The following ECD variants were observed in gnomAD, a reference collection of about 807,000 sequenced individuals.
ECD encodes protein ecdysoneless homolog.
ECD carries 59 observed loss-of-function variants against 77.2 expected under a neutral mutation model. The observed-to-expected ratio is 0.76, with a 90% CI of 0.62 to 0.95. The LOEUF is 0.95. ECD is among the 40% of genes least tolerant of loss of function. ECD has a pLI of 0.00. For missense variants in ECD, 704 were observed against 763.4 expected, an observed-to-expected ratio of 0.92 and a Z score of 0.92; for synonymous variants, 233 against 267.4, an observed-to-expected ratio of 0.87 and a Z score of 1.26.
chr10:73,145,469 A>G (rs1403021775), intron 9 of ECD, among the ~76,000 whole-genome samples: 1 of 152,122 alleles, frequency 6.6e-6, no homozygotes, highest in Non-Finnish European at 1.5e-5. Flanking sequence ...ATTCAACAAC[A>G]GGTCTGGAGG....
At chr10:73,138,401 A>T (rs1280262148) in intron 11 of ECD, among the ~76,000 whole-genome samples, 1 of 152,238 alleles carries the variant, frequency 6.6e-6, no homozygotes, top group Admixed American at 6.5e-5. Context: ...ATTTAAATAA[A>T]GCCTGTTCTT....
At chr10:73,147,294 TCC>T (rs1843143076) in intron 8 of ECD, among the ~76,000 whole-genome samples, 1 of 152,108 alleles carries the variant, frequency 6.6e-6, no homozygotes, top group Non-Finnish European at 1.5e-5. Context: ...ACGCCTGTAA[TCC>T]CAGCACTTTG....
At chr10:73,152,539 AAAG>A (rs1843227259) in intron 6 of ECD, 118 bp from the exon 7 acceptor site, 1 of 1,206,784 alleles carries the variant, frequency 8.3e-7, no homozygotes, top group Non-Finnish European at 1.1e-6. Flanking sequence ...TATGAAATGC[AAAG>A]AAGATTCAAC....
At chr10:73,150,523 T>C (rs1043921836) in intron 7 of ECD, among the ~76,000 whole-genome samples, 2 of 152,004 alleles carry the variant, frequency 1.3e-5, no homozygotes, top group African/African-American at 4.8e-5. Context: ...AATTGACAAA[T>C]GGGATCTAAT....
intron 7 of ECD, among the ~76,000 whole-genome samples, chr10:73,150,697 A>C (rs951743031): frequency 9.8e-5 from 15 of 152,342 alleles, no homozygotes; most frequent in African/African-American, 2.9e-4. Context: ...AAACAACCCC[A>C]TCAACAAGTG....
rs1842948181 is a variant in ECD, at chr10:73,133,778, A to C, written c.*805T>G. 6.6e-6 allele frequency: 1 copy of C among 152,232 alleles called. No homozygotes were observed. Among genetic ancestry groups the C allele is most frequent in the Non-Finnish European group, 1.5e-5 (1 of 68,044 alleles). 9.4% of individuals were successfully genotyped at this position (152,232 alleles called of 1,614,324 possible). On this transcript the variant is annotated 3_prime_UTR_variant, in exon 14 of 14. Transcript: ENST00000372979. ...AATAAACATTTCATCTTAGCAAAAGATATATCAGTTATATTAAATATCAAA... is the reference window on the plus strand; with the variant it reads ...AATAAACATTTCATCTTAGCAAAAGCTATATCAGTTATATTAAATATCAAA...
intron 7 of ECD, among the ~76,000 whole-genome samples, chr10:73,148,813 A>C (rs2133258936): frequency 6.6e-6 from 1 of 152,306 alleles, no homozygotes; most frequent in African/African-American, 2.4e-5. Context: ...ACTTCATTTT[A>C]AAAGTCCTTT....
chr10:73,147,316 G>A (rs898126687), intron 8 of ECD, among the ~76,000 whole-genome samples: 1 of 152,220 alleles, frequency 6.6e-6, no homozygotes, highest in African/African-American at 2.4e-5. Flanking sequence ...GGGAGGCCAA[G>A]GCGGATGGAT....
intron 1 of ECD, among the ~76,000 whole-genome samples, chr10:73,164,435 C>T (rs1843424187): frequency 6.6e-6 from 1 of 151,992 alleles, no homozygotes; most frequent in African/African-American, 2.4e-5. Context: ...TAACCATACA[C>T]CACCTACAGT....
At position 73,136,688 on chromosome 10, in the gene ECD, T is replaced by C; in HGVS notation, c.1704+16A>G. 1 of 1,611,628 alleles carries C rather than the reference T, an allele frequency of 6.2e-7. No homozygotes were observed. The highest frequency in any genetic ancestry group is 8.5e-7 in the Non-Finnish European group (1 of 1,178,344). On this transcript the variant is annotated intron_variant, in intron 13 of 13. Transcript: ENST00000372979. The stretch of plus-strand genomic sequence containing the variant: ...TACTAGACTCAGAAAGAGAAAGAGG[T>C]TAAAAACACACATACCACTTGGTTC...
rs765766023 is a variant in ECD, at chr10:73,154,328, T to C, written c.711A>G (p.Leu237=). The C allele has an allele frequency of 1.6e-5, 26 of 1,613,992 alleles. No homozygotes were observed. Among genetic ancestry groups the C allele is most frequent in the Non-Finnish European group, 2.1e-5 (25 of 1,180,006 alleles). The change falls in exon 6 of 14, where the codon CTA becomes CTG. Residue 237 remains leucine (L), a synonymous_variant. Transcript: ENST00000372979. ...AAGCTCGCAGGTCAATAGGGTCTCG[T>C]AGGTAAAATGCCTGGACTGCTGCAG... ...LVAAAVQAFY[L]RDPIDLRACR... is the part of the protein sequence containing the mutation.
At chr10:73,139,793 C>T (rs1456864852) in intron 9 of ECD, 56 bp from the exon 10 acceptor site, 6 of 1,147,138 alleles carry the variant, frequency 5.2e-6, no homozygotes, top group Non-Finnish European at 7.5e-6. Flanking sequence ...GAATAGTAAT[C>T]ATAAATACAT....
Position 73,154,512 on chromosome 10 carries a change from T to C in ECD, c.591-64A>G, listed in dbSNP as rs1322949795. The C allele has an allele frequency of 5.0e-6, 7 of 1,409,790 alleles. No homozygotes were observed. The Admixed American group carries it at 1.6e-4, about 32-fold the overall frequency. The allele number at this position is 1,409,790 out of a possible 1,614,324, so 87.3% of individuals were successfully genotyped here. On this transcript the variant is annotated intron_variant, in intron 5 of 13. Transcript: ENST00000372979. ...ATAAATACCTATAATTCTTATACCA[T>C]TCACATTCTTTTTGACATCTCTTTG...
intron 3 of ECD, among the ~76,000 whole-genome samples, chr10:73,159,642 A>ATT (rs1169258127): frequency 1.5e-4 from 19 of 123,608 alleles, no homozygotes; most frequent in East Asian, 2.5e-4. Flanking sequence ...CAGTACTTTA[A>ATT]TTTTTTTTTT....
At chr10:73,141,891 T>G (rs1843063035) in intron 9 of ECD, among the ~76,000 whole-genome samples, 1 of 152,224 alleles carries the variant, frequency 6.6e-6, no homozygotes, top group African/African-American at 2.4e-5. Context: ...TGCCATCAAT[T>G]TATGTAACAA....
chr10:73,165,330 C>G (rs561077418), intron 1 of ECD, among the ~76,000 whole-genome samples: 2 of 151,840 alleles, frequency 1.3e-5, no homozygotes, highest in East Asian at 3.9e-4. Flanking sequence ...GTATATCTTT[C>G]TTTTCTTTTT....
intron 9 of ECD, among the ~76,000 whole-genome samples, chr10:73,143,238 G>A (rs1353597743): frequency 6.6e-6 from 1 of 152,100 alleles, no homozygotes; most frequent in Non-Finnish European, 1.5e-5. Context: ...GTGCGATGTC[G>A]GCTCACTGCA....
At chr10:73,138,297 A>G (rs368917893) in intron 11 of ECD, among the ~76,000 whole-genome samples, 9 of 152,346 alleles carry the variant, frequency 5.9e-5, no homozygotes, top group African/African-American at 1.7e-4. Flanking sequence ...CATCTTGTTT[A>G]TGTACATTTA....
chr10:73,165,577 C>G (rs1423862180), intron 1 of ECD, among the ~76,000 whole-genome samples: 1 of 149,428 alleles, frequency 6.7e-6, no homozygotes, highest in Non-Finnish European at 1.5e-5. Context: ...GTCTCAAACT[C>G]CTGACCTCAT....
Sources: allele counts gnomAD v4.1 joint callset (sites outside exome capture counted in the v4.1 genomes callset), GRCh38; gene constraint gnomAD v4.1.1; transcripts MANE v1.5; gene names NCBI Gene and HGNC (gene_info 2026-07-23, HGNC 2026-07-21).